Variants in RGS8 observed in about 807,000 individuals in gnomAD.
RGS8 encodes regulator of G-protein signaling 8.
A neutral mutation model predicts 21.7 loss-of-function variants in RGS8; 8 were observed. The ratio of observed to expected loss-of-function variants is 0.37; its 90% confidence interval spans 0.22 to 0.66. The LOEUF is 0.66. Among genes scored for constraint, RGS8 ranks in the 30% least tolerant of loss-of-function variants. The pLI, the probability that RGS8 is intolerant of heterozygous loss-of-function variation, is 0.59. For missense variants in RGS8, 157 were observed against 217.9 expected (o/e 0.72, Z 1.76); for synonymous variants, 80 against 83.6 (o/e 0.96, Z 0.24).
At chr1:182,665,112 A>T (rs1278755926) in intron 5 of RGS8, among the ~76,000 whole-genome samples, 1 of 152,238 alleles carries the variant, frequency 6.6e-6, no homozygotes, top group Non-Finnish European at 1.5e-5. Flanking sequence ...TTCCCAGATC[A>T]GTTAGGGCTT....
At chr1:182,699,451 G>A in the RGS8 span, among the ~76,000 whole-genome samples, 1 of 152,210 alleles carries the variant, frequency 6.6e-6, no homozygotes, top group Non-Finnish European at 1.5e-5. Context: ...CAGTGGCAGG[G>A]GGCCAAGGAA....
At chr1:182,668,889 G>A (rs1315327814) in intron 3 of RGS8, among the ~76,000 whole-genome samples, 2 of 152,190 alleles carry the variant, frequency 1.3e-5, no homozygotes, top group Non-Finnish European at 2.9e-5. Flanking sequence ...TCCTGCTCAG[G>A]CTGCCCCACA....
chr1:182,666,170 G>T, intron 4 of RGS8, 137 bp from the exon 6 acceptor site: 2 of 605,788 alleles, frequency 3.3e-6, no homozygotes, highest in Admixed American at 2.7e-5. Context: ...ACTATACCTG[G>T]ATTCCTGCAA....
the RGS8 span, among the ~76,000 whole-genome samples, chr1:182,704,260 C>T: frequency 6.6e-6 from 1 of 152,234 alleles, no homozygotes; most frequent in South Asian, 2.1e-4. Context: ...GGTACTAGAA[C>T]TCTCAGGACA....
At chr1:182,746,914 T>C in the RGS8 span, among the ~76,000 whole-genome samples, 2 of 152,144 alleles carry the variant, frequency 1.3e-5, no homozygotes, top group African/African-American at 4.8e-5. Context: ...GCTTTTGTTA[T>C]TGTTTTTGAG....
At chr1:182,704,261 T>C in the RGS8 span, among the ~76,000 whole-genome samples, 2 of 152,222 alleles carry the variant, frequency 1.3e-5, no homozygotes. Context: ...GTACTAGAAC[T>C]CTCAGGACAA....
chr1:182,682,868 C>T (rs1664581772), intron 1 of RGS8, among the ~76,000 whole-genome samples: 1 of 152,068 alleles, frequency 6.6e-6, no homozygotes, highest in Admixed American at 6.5e-5. Flanking sequence ...CCTCTAAGAG[C>T]CCCTTGCTAT....
At chr1:182,668,417 AG>A (rs1383771679) in intron 3 of RGS8, among the ~76,000 whole-genome samples, 3 of 152,098 alleles carry the variant, frequency 2.0e-5, no homozygotes, top group African/African-American at 7.2e-5. Flanking sequence ...TCTTTTTCCT[AG>A]GGGTGGGAAG....
the RGS8 span, among the ~76,000 whole-genome samples, chr1:182,708,671 G>C: frequency 3.3e-5 from 5 of 152,220 alleles, no homozygotes; most frequent in Non-Finnish European, 7.3e-5. Flanking sequence ...GTGTCTCTCT[G>C]CATTGAGGCC....
chr1:182,741,156 C>A, the RGS8 span, among the ~76,000 whole-genome samples: 1 of 148,338 alleles, frequency 6.7e-6, no homozygotes, highest in Admixed American at 6.6e-5. Flanking sequence ...CCTCACCTCC[C>A]GGACGGGGCG....
intron 3 of RGS8, 77 bp from the exon 5 acceptor site, chr1:182,667,050 G>A (rs1194438433): frequency 2.5e-6 from 3 of 1,224,212 alleles, no homozygotes; most frequent in Non-Finnish European, 3.6e-6. Context: ...GGCCCCTGGA[G>A]CTGCTGCTAC....
chr1:182,692,224 C>T, the RGS8 span, among the ~76,000 whole-genome samples: 6 of 151,990 alleles, frequency 3.9e-5, no homozygotes, highest in South Asian at 2.1e-4. Flanking sequence ...AGGCTGGTCT[C>T]GAACCCCTGA....
intron 1 of RGS8, among the ~76,000 whole-genome samples, chr1:182,680,819 G>A (rs1156997687): frequency 6.6e-6 from 1 of 152,200 alleles, no homozygotes; most frequent in Non-Finnish European, 1.5e-5. Context: ...GAGCTGACAC[G>A]AGCCCCCCAG....
the RGS8 span, among the ~76,000 whole-genome samples, chr1:182,692,490 A>G: frequency 6.6e-6 from 1 of 150,896 alleles, no homozygotes; most frequent in African/African-American, 2.5e-5. Context: ...AAACAAATGG[A>G]AAAACATTCC....
the RGS8 span, among the ~76,000 whole-genome samples, chr1:182,750,146 G>A: frequency 6.6e-6 from 1 of 152,218 alleles, no homozygotes; most frequent in Non-Finnish European, 1.5e-5. Context: ...AGAACACATA[G>A]TATGAGATAT....
At chr1:182,648,006 GGGCCACCAGAGTGATGA>G in intron 6 of RGS8, 114 bp downstream of exon 7, 1 of 737,890 alleles carries the variant, frequency 1.4e-6, no homozygotes, top group Non-Finnish European at 2.0e-6. Flanking sequence ...TTTTCATCAA[GGGCCACCAGAGTGATGA>G]GGCTCAGTTT....
intron 5 of RGS8, among the ~76,000 whole-genome samples, chr1:182,657,409 A>G (rs1557887784): frequency 6.6e-6 from 1 of 151,920 alleles, no homozygotes; most frequent in Admixed American, 6.6e-5. Context: ...ATGCTGGTTT[A>G]TTTCTGAAAG....
intron 5 of RGS8, among the ~76,000 whole-genome samples, chr1:182,659,357 G>A (rs1346737451): frequency 1.3e-5 from 2 of 152,198 alleles, no homozygotes; most frequent in Non-Finnish European, 2.9e-5. Context: ...CCCCCTAACA[G>A]GGTGAAGGTT....
chr1:182,715,644 A>G, the RGS8 span, among the ~76,000 whole-genome samples: 2 of 152,166 alleles, frequency 1.3e-5, no homozygotes, highest in Non-Finnish European at 2.9e-5. Context: ...CCCAGATAAT[A>G]TTGATGCTGC....
Sources: gnomAD v4.1 joint callset for allele counts (sites outside exome capture counted in the v4.1 genomes callset) on GRCh38, gnomAD v4.1.1 for gene constraint, MANE v1.5 for transcripts, NCBI Gene and HGNC (gene_info 2026-07-23, HGNC 2026-07-21) for gene names.